The following SMG6 variants were observed in gnomAD, a reference collection of about 807,000 sequenced individuals.
The protein encoded by SMG6 is SMG6 nonsense mediated mRNA decay factor.
In SMG6, 66 loss-of-function variants were observed where a neutral mutation model predicts 142.2. That is an observed-to-expected ratio of 0.46 (90% CI 0.38 to 0.57). The LOEUF is 0.57. SMG6 is among the 20% of genes least tolerant of loss of function. The pLI is 0.00. For synonymous variants in SMG6, 779 were observed against 702.4 expected (o/e 1.11, Z -1.72); for missense variants, 1,793 against 1,832.0 (o/e 0.98, Z 0.39).
chr17:2,073,930 TC>T (rs2068185075), intron 15 of SMG6, among the ~76,000 whole-genome samples: 1 of 150,362 alleles, frequency 6.7e-6, no homozygotes, highest in African/African-American at 2.4e-5. Context: ...ACTACAAAAA[TC>T]AGCCGGGGAT....
At chr17:2,160,656 C>G (rs1282324441) in intron 13 of SMG6, among the ~76,000 whole-genome samples, 1 of 152,014 alleles carries the variant, frequency 6.6e-6, no homozygotes, top group Admixed American at 6.5e-5. Context: ...ATAGTGGGAC[C>G]CCGTTTCCAC....
chr17:2,117,393 A>T (rs2069541515), intron 13 of SMG6, among the ~76,000 whole-genome samples: 1 of 152,202 alleles, frequency 6.6e-6, no homozygotes, highest in African/African-American at 2.4e-5. Flanking sequence ...ATTGTTTAAC[A>T]CAAAAAATCC....
At chr17:2,130,528 G>A (rs932052597) in intron 13 of SMG6, among the ~76,000 whole-genome samples, 3 of 151,696 alleles carry the variant, frequency 2.0e-5, no homozygotes, top group African/African-American at 7.3e-5. Context: ...AGGGAAACCT[G>A]CTTTACAAAA....
At chr17:2,186,939 C>T (rs2072008007) in intron 11 of SMG6, 108 bp from the exon 12 acceptor site, 21 of 1,224,488 alleles carry the variant, frequency 1.7e-5, no homozygotes, top group Non-Finnish European at 2.3e-5. Context: ...ACCAAGTCCA[C>T]AGGAAAGATA....
intron 12 of SMG6, among the ~76,000 whole-genome samples, chr17:2,176,281 G>A (rs1249339043): frequency 2.0e-5 from 3 of 152,242 alleles, no homozygotes; most frequent in African/African-American, 4.8e-5. Flanking sequence ...GCCTTCACCC[G>A]ACAGCAGCCC....
chr17:2,278,374 T>C (rs1478671741), intron 8 of SMG6, among the ~76,000 whole-genome samples: 1 of 152,048 alleles, frequency 6.6e-6, no homozygotes, highest in Non-Finnish European at 1.5e-5. Flanking sequence ...AGGTAACTTT[T>C]TTGTATTTTT....
In SMG6 at chr17:2,301,918, C is replaced by G. The variant is rs192525997; in HGVS notation, c.89-1254G>C. 3.9e-5 allele frequency among the ~76,000 whole-genome samples: 6 copies of G among 152,138 alleles called. No homozygotes were observed. In the South Asian group the frequency reaches 8.3e-4, roughly 21 times the overall value. ...ATTACAATGGAAAAGTGACAGAATTCGGGAGAATATTATCAAGTACACAAA... is the reference window on the plus strand; with the variant it reads ...ATTACAATGGAAAAGTGACAGAATTGGGGAGAATATTATCAAGTACACAAA... On this transcript the variant is annotated intron_variant, in intron 1 of 18. Transcript: ENST00000263073.
intron 1 of SMG6, among the ~76,000 whole-genome samples, chr17:2,302,273 G>A (rs941568008): frequency 2.0e-5 from 3 of 151,124 alleles, no homozygotes; most frequent in Non-Finnish European, 4.4e-5. Flanking sequence ...GCCGGGCACG[G>A]TGGCTCACGC....
intron 12 of SMG6, among the ~76,000 whole-genome samples, chr17:2,184,657 CAAAAAA>C (rs150364302): frequency 3.8e-5 from 2 of 52,796 alleles, no homozygotes; most frequent in Non-Finnish European, 6.9e-5. Flanking sequence ...AACTCCGTCT[CAAAAAA>C]AAAAAAAAAA....
chr17:2,121,418 G>A (rs892444172), intron 13 of SMG6, among the ~76,000 whole-genome samples: 5 of 152,138 alleles, frequency 3.3e-5, no homozygotes, highest in African/African-American at 4.8e-5. Context: ...TACTTATTGT[G>A]TGATTCCATT....
chr17:2,224,410 C>T (rs927231124), intron 10 of SMG6, among the ~76,000 whole-genome samples: 2 of 151,840 alleles, frequency 1.3e-5, no homozygotes, highest in East Asian at 1.9e-4. Flanking sequence ...AAAGTCAAAG[C>T]AGATTTGATT....
chr17:2,182,222 T>C (rs1363238135), intron 12 of SMG6, among the ~76,000 whole-genome samples: 1 of 152,194 alleles, frequency 6.6e-6, no homozygotes, highest in Non-Finnish European at 1.5e-5. Context: ...TACAGATTAA[T>C]AGCCTGAAAA....
intron 8 of SMG6, among the ~76,000 whole-genome samples, chr17:2,260,979 G>A (rs1351751950): frequency 6.8e-6 from 1 of 147,822 alleles, no homozygotes; most frequent in Non-Finnish European, 1.5e-5. Flanking sequence ...CTGGGCAACA[G>A]GGCAAGACTC....
intron 10 of SMG6, among the ~76,000 whole-genome samples, chr17:2,211,286 T>C (rs900354261): frequency 6.6e-6 from 1 of 151,912 alleles, no homozygotes; most frequent in Non-Finnish European, 1.5e-5. Context: ...GAGGTAAACA[T>C]TTTTAACAAT....
At chr17:2,218,464 G>A (rs1481611864) in intron 10 of SMG6, among the ~76,000 whole-genome samples, 5 of 152,022 alleles carry the variant, frequency 3.3e-5, no homozygotes, top group African/African-American at 1.2e-4. Context: ...GGAGAATGGC[G>A]TGGACCCAGG....
intron 14 of SMG6, 133 bp from the exon 15 acceptor site, chr17:2,082,089 G>A (rs927239177): frequency 1.4e-4 from 123 of 869,174 alleles, no homozygotes; most frequent in Non-Finnish European, 2.1e-4. Flanking sequence ...GGGTCCCCTG[G>A]TGTGTGCTTC....
At chr17:2,231,551 G>A (rs2073494848) in intron 10 of SMG6, among the ~76,000 whole-genome samples, 1 of 152,072 alleles carries the variant, frequency 6.6e-6, no homozygotes. Context: ...ACAAAACTTA[G>A]CCAGGCGTGG....
chr17:2,215,201 C>T (rs1161231560), intron 10 of SMG6, among the ~76,000 whole-genome samples: 1 of 139,294 alleles, frequency 7.2e-6, no homozygotes, highest in African/African-American at 2.8e-5. Flanking sequence ...GGCACTTGTG[C>T]GTACATTATA....
At chr17:2,199,806 G>A (rs529670727) in intron 10 of SMG6, 1 of 151,084 alleles carries the variant, frequency 6.6e-6, no homozygotes, top group East Asian at 2.0e-4. Context: ...TACTTGGGAG[G>A]CTGAGGCAGG....
Sources: allele counts gnomAD v4.1 joint callset (sites outside exome capture counted in the v4.1 genomes callset), GRCh38; gene constraint gnomAD v4.1.1; transcripts MANE v1.5; gene names NCBI Gene and HGNC (gene_info 2026-07-23, HGNC 2026-07-21).